DNAH3: variants seen among roughly 807,000 people sequenced by gnomAD.
The protein encoded by DNAH3 is axonemal beta dynein heavy chain 3.
A neutral mutation model predicts 432.5 loss-of-function variants in DNAH3; 332 were observed. The ratio of observed to expected loss-of-function variants is 0.77; its 90% CI spans 0.70 to 0.84. The LOEUF (loss-of-function observed/expected upper bound fraction) is 0.84. Among genes scored for constraint, DNAH3 ranks in the 40% least tolerant of loss-of-function variants. The pLI is 0.00. For synonymous variants in DNAH3, 1,956 were observed against 1,900.2 expected (o/e 1.03, Z -0.76); for missense variants, 4,861 against 5,114.0 (o/e 0.95, Z 1.51).
At chr16:21,066,551 T>G (rs1312168271) in intron 24 of DNAH3, among the ~76,000 whole-genome samples, 1 of 152,072 alleles carries the variant, frequency 6.6e-6, no homozygotes, top group Non-Finnish European at 1.5e-5. Context: ...TATTTTTTTG[T>G]AGAGGTGGAA....
intron 41 of DNAH3, among the ~76,000 whole-genome samples, chr16:21,005,368 C>A (rs2087244707): frequency 7.4e-6 from 1 of 135,472 alleles, no homozygotes; most frequent in Non-Finnish European, 1.6e-5. Context: ...TTCATTCTTT[C>A]TCTCTTTTTC....
intron 49 of DNAH3, 88 bp from the exon 50 acceptor site, chr16:20,979,634 G>A: frequency 8.4e-7 from 1 of 1,189,998 alleles, no homozygotes; most frequent in South Asian, 1.3e-5. Context: ...GAGGATATGA[G>A]AAGGCACATA....
intron 24 of DNAH3, among the ~76,000 whole-genome samples, chr16:21,066,470 C>T (rs1385259931): frequency 5.3e-5 from 8 of 152,080 alleles, no homozygotes; most frequent in South Asian, 2.1e-4. Context: ...CAGGCTCAAG[C>T]GATCCTCCTA....
chr16:21,141,417 T>C, intron 3 of DNAH3, 45 bp from the exon 5 acceptor site: 1 of 1,408,222 alleles, frequency 7.1e-7, no homozygotes, highest in Non-Finnish European at 9.9e-7. Context: ...GCAATGGCCT[T>C]GGGCCATTCT....
intron 28 of DNAH3, among the ~76,000 whole-genome samples, chr16:21,053,034 G>C (rs1014981762): frequency 6.6e-6 from 1 of 152,110 alleles, no homozygotes; most frequent in Admixed American, 6.6e-5. Flanking sequence ...GTGGATCTAG[G>C]CTGATGAGAA....
At chr16:20,990,947 G>A (rs2086524451) in intron 44 of DNAH3, among the ~76,000 whole-genome samples, 2 of 152,080 alleles carry the variant, frequency 1.3e-5, no homozygotes, top group African/African-American at 2.4e-5. Context: ...CTTGAATCCG[G>A]GAGGCAGAGG....
intron 27 of DNAH3, 79 bp from the exon 28 acceptor site, chr16:21,054,613 G>T: frequency 9.1e-7 from 1 of 1,094,188 alleles, no homozygotes; most frequent in Non-Finnish European, 1.4e-6. Flanking sequence ...ATGGTACCAT[G>T]GACCACCGGA....
exon 44 of DNAH3, chr16:20,997,436 C>T: frequency 6.2e-7 from 1 of 1,614,130 alleles, no homozygotes; most frequent in Non-Finnish European, 8.5e-7. Context: ...GCCCCATACA[C>T]CTCTTTGGCT....
chr16:21,079,533 G>T (rs1460610336), intron 20 of DNAH3, among the ~76,000 whole-genome samples: 1 of 152,140 alleles, frequency 6.6e-6, no homozygotes, highest in Non-Finnish European at 1.5e-5. Context: ...TGAGGCAGAA[G>T]AATCACTTGA....
chr16:21,153,442 C>T (rs1239126765), intron 1 of DNAH3, among the ~76,000 whole-genome samples: 7 of 152,068 alleles, frequency 4.6e-5, no homozygotes, highest in African/African-American at 1.2e-4. Context: ...GGATTGTAAA[C>T]GCACCAATCA....
chr16:21,159,377 T>A, exon 1 of DNAH3: 1 of 1,614,158 alleles, frequency 6.2e-7, no homozygotes, highest in South Asian at 1.1e-5. Context: ...TTTTGAACGC[T>A]GAAAGGCTGG....
chr16:21,059,575 GACC>G (rs2090269796), intron 26 of DNAH3, among the ~76,000 whole-genome samples: 1 of 152,116 alleles, frequency 6.6e-6, no homozygotes, highest in Admixed American at 6.6e-5. Flanking sequence ...AGGAGTTCGA[GACC>G]AGCCTGGCCA....
intron 19 of DNAH3, among the ~76,000 whole-genome samples, chr16:21,082,269 C>A (rs2091214980): frequency 6.6e-6 from 1 of 152,078 alleles, no homozygotes; most frequent in Admixed American, 6.6e-5. Context: ...TGACTCACTG[C>A]AGCCTTGACC....
rs565337044 is a variant in DNAH3 at position 20,944,481 on chromosome 16, C to T, written c.11511+15G>A. On this transcript the variant is annotated intron_variant, in intron 58 of 61. Coordinates refer to ENST00000261383, the Ensembl canonical transcript of DNAH3. ...TGGGAAATAGGATTAAGCCCCCTTT[C>T]CCGAGCCCAGTTACCTGAGGGGACT... is the stretch of plus-strand genomic sequence containing the variant. 5.8e-5 allele frequency: 94 copies of T among 1,613,832 alleles called. 1 individual carries two copies. In the Middle Eastern group the frequency reaches 6.6e-4, roughly 11 times the overall value.
In DNAH3 at chr16:21,103,360, G is replaced by C. The variant is rs377468638; in HGVS notation, c.2366+1111C>G. On this transcript the variant is annotated intron_variant, in intron 16 of 61. Transcript: ENST00000261383. ...GGTGTAGAGGGTGTGTGTGTGGGGG[G>C]GGGCAGGGTGGGGGAGTTGGGAGGT... is the stretch of plus-strand genomic sequence containing the variant. Among the ~76,000 whole-genome samples the C allele has an allele frequency of 3.6e-3, 533 of 149,992 alleles. 3 individuals are homozygous for C. Among genetic ancestry groups the C allele is most frequent in the Middle Eastern group, 0.022 (6 of 268 alleles).
intron 16 of DNAH3, 186 bp downstream of exon 16, chr16:21,104,285 A>T (rs371580358): frequency 8.4e-6 from 5 of 594,024 alleles, no homozygotes; most frequent in Admixed American, 5.6e-5. Context: ...ACAGTGAAGC[A>T]GTCTTAAAGA....
At chr16:21,109,135 AAAAG>A (rs1385227829) in intron 14 of DNAH3, among the ~76,000 whole-genome samples, 2 of 151,844 alleles carry the variant, frequency 1.3e-5, no homozygotes, top group South Asian at 2.1e-4. Flanking sequence ...AAAAAAAAAA[AAAAG>A]AAAGAAAGAA....
chr16:21,147,366 C>T (rs1024935680), intron 1 of DNAH3, among the ~76,000 whole-genome samples: 3 of 151,886 alleles, frequency 2.0e-5, no homozygotes, highest in Non-Finnish European at 4.4e-5. Flanking sequence ...TGGGTGCCCA[C>T]CACCATGCCT....
chr16:21,047,033 G>T (rs1361421982), intron 31 of DNAH3, among the ~76,000 whole-genome samples: 1 of 152,144 alleles, frequency 6.6e-6, no homozygotes, highest in Non-Finnish European at 1.5e-5. Context: ...TAGGGTTTCT[G>T]CAGAGAGATC....
Sources: allele counts gnomAD v4.1 joint callset (sites outside exome capture counted in the v4.1 genomes callset), GRCh38; gene constraint gnomAD v4.1.1; transcripts MANE v1.5; gene names NCBI Gene and HGNC (gene_info 2026-07-23, HGNC 2026-07-21).